Variants in DYNC1I1 observed in about 807,000 individuals in gnomAD.
DYNC1I1 encodes the protein cytoplasmic dynein 1 intermediate chain 1.
DYNC1I1 carries 43 observed loss-of-function variants against 86.6 expected under a neutral mutation model. The ratio of observed to expected loss-of-function variants is 0.50; its 90% confidence interval spans 0.39 to 0.64. DYNC1I1 has a LOEUF of 0.64. Among genes scored for constraint, DYNC1I1 ranks in the 30% least tolerant of loss-of-function variants. DYNC1I1 has a pLI of 0.00. For missense variants in DYNC1I1, 604 were observed against 788.8 expected (o/e 0.77, Z 2.81); for synonymous variants, 262 against 283.7 (o/e 0.92, Z 0.77).
intron 14 of DYNC1I1, among the ~76,000 whole-genome samples, chr7:96,062,293 G>T (rs1252904201): frequency 2.0e-5 from 3 of 152,186 alleles, no homozygotes; most frequent in African/African-American, 7.2e-5. Flanking sequence ...AAATGATGAA[G>T]GGAGCTGTAT....
At chr7:95,836,601 AC>A (rs200750266) in intron 5 of DYNC1I1, among the ~76,000 whole-genome samples, 10,168 of 152,166 alleles carry the variant, frequency 0.067, 448 homozygotes, top group Non-Finnish European at 0.096. Flanking sequence ...ACCTTCAGGT[AC>A]ACCAGTCAGA....
At chr7:95,866,624 T>G (rs1034225316) in intron 5 of DYNC1I1, among the ~76,000 whole-genome samples, 2 of 152,224 alleles carry the variant, frequency 1.3e-5, no homozygotes, top group African/African-American at 4.8e-5. Flanking sequence ...TGGCATATTG[T>G]AAGTCCCTGG....
At chr7:95,822,735 A>G (rs1284526853) in intron 4 of DYNC1I1, among the ~76,000 whole-genome samples, 4 of 152,236 alleles carry the variant, frequency 2.6e-5, no homozygotes, top group Admixed American at 2.6e-4. Flanking sequence ...ATTGAAACTA[A>G]TCAGAGCAGC....
At chr7:96,068,653 CTAA>C (rs1049746218) in intron 14 of DYNC1I1, among the ~76,000 whole-genome samples, 5 of 152,058 alleles carry the variant, frequency 3.3e-5, no homozygotes, top group African/African-American at 1.2e-4. Flanking sequence ...AGCGAGATCA[CTAA>C]TGTGAGATTA....
At chr7:95,802,245 T>C (rs1794595096) in intron 1 of DYNC1I1, among the ~76,000 whole-genome samples, 1 of 152,182 alleles carries the variant, frequency 6.6e-6, no homozygotes, top group South Asian at 2.1e-4. Context: ...TTCACTGCCA[T>C]CCCCTTTGCT....
chr7:95,917,925 G>C (rs1402726061), intron 6 of DYNC1I1, among the ~76,000 whole-genome samples: 2 of 152,228 alleles, frequency 1.3e-5, no homozygotes, highest in South Asian at 2.1e-4. Flanking sequence ...CTGCAGGAGA[G>C]CATCAATCAA....
chr7:95,821,812 A>G (rs565471120), intron 4 of DYNC1I1, among the ~76,000 whole-genome samples: 68 of 152,322 alleles, frequency 4.5e-4, no homozygotes, highest in Non-Finnish European at 5.0e-4. Flanking sequence ...TTACTTCCCA[A>G]AGAACTTTAC....
At chr7:95,823,146 G>C (rs1253436463) in intron 4 of DYNC1I1, among the ~76,000 whole-genome samples, 1 of 152,094 alleles carries the variant, frequency 6.6e-6, no homozygotes, top group East Asian at 1.9e-4. Context: ...AAATATAGCA[G>C]TCTTATAAGA....
chr7:95,833,785 G>A (rs570076135), intron 5 of DYNC1I1, among the ~76,000 whole-genome samples: 44,843 of 124,078 alleles, frequency 0.36, 8,215 homozygotes, highest in East Asian at 0.5. Flanking sequence ...TGTTGTTGGT[G>A]TATAAGAATG....
At chr7:95,814,102 TGTGA>T (rs1562904091) in intron 4 of DYNC1I1, among the ~76,000 whole-genome samples, 1 of 152,188 alleles carries the variant, frequency 6.6e-6, no homozygotes, top group Non-Finnish European at 1.5e-5. Flanking sequence ...CAGGAATTTA[TGTGA>T]GTATGGCAAC....
At position 95,784,673 on chromosome 7, in the gene DYNC1I1, T is replaced by C. The variant is rs563549501; in HGVS notation, c.-10+11900T>C. ...AAAAACAGAGTTAATATCCATGTAA[T>C]AGAGAACCTTTGATTGGTTCAAGCT... On this transcript the variant is annotated intron_variant, in intron 1 of 16. Transcript: ENST00000447467. Among the ~76,000 whole-genome samples the C allele has an allele frequency of 2.6e-5, 4 of 152,304 alleles. No homozygotes were observed. In the East Asian group the frequency reaches 7.7e-4, roughly 29 times the overall value.
intron 5 of DYNC1I1, among the ~76,000 whole-genome samples, chr7:95,849,431 A>C (rs1157170413): frequency 6.6e-6 from 1 of 152,136 alleles, no homozygotes; most frequent in Non-Finnish European, 1.5e-5. Flanking sequence ...ATTCTTCTGC[A>C]TGTGGATATC....
In DYNC1I1 at chr7:96,031,615, C is replaced by A. The variant is rs542504609; in HGVS notation, c.1117-1052C>A. Among the ~76,000 whole-genome samples the A allele has an allele frequency of 7.2e-5, 11 of 152,266 alleles. No homozygotes were observed. In the South Asian group the frequency reaches 2.1e-3, roughly 29 times the overall value. ...GATTATTACCACTCCTTCTGACCAGCAGTTTATATGATAATAATAGTTTGG... is the reference window on the plus strand; with the variant it reads ...GATTATTACCACTCCTTCTGACCAGAAGTTTATATGATAATAATAGTTTGG... On this transcript the variant is annotated intron_variant, in intron 11 of 16. Transcript: ENST00000447467.
intron 5 of DYNC1I1, among the ~76,000 whole-genome samples, chr7:95,864,825 C>G (rs1789976615): frequency 1.3e-5 from 2 of 151,996 alleles, no homozygotes; most frequent in Non-Finnish European, 2.9e-5. Context: ...ACTAAAGCCT[C>G]TAGAATAGCC....
intron 5 of DYNC1I1, among the ~76,000 whole-genome samples, chr7:95,833,514 T>C (rs1227607014): frequency 2.9e-5 from 4 of 136,906 alleles, no homozygotes; most frequent in African/African-American, 1.1e-4. Flanking sequence ...AAGAAAGTCA[T>C]TGGTAGCTTG....
chr7:95,799,293 C>T (rs1033231196), intron 1 of DYNC1I1, among the ~76,000 whole-genome samples: 1 of 152,078 alleles, frequency 6.6e-6, no homozygotes. Context: ...GCAGGAGAGT[C>T]GCTTGAACCC....
At chr7:95,783,329 C>T (rs1350173559) in intron 1 of DYNC1I1, among the ~76,000 whole-genome samples, 1 of 152,152 alleles carries the variant, frequency 6.6e-6, no homozygotes, top group African/African-American at 2.4e-5. Flanking sequence ...AATTAGCTTC[C>T]TTCCGTAGTT....
chr7:95,993,239 A>C (rs923023535), intron 9 of DYNC1I1, among the ~76,000 whole-genome samples: 1 of 152,198 alleles, frequency 6.6e-6, no homozygotes, highest in Non-Finnish European at 1.5e-5. Context: ...CAGTATCTTT[A>C]GGCCTTATGA....
intron 5 of DYNC1I1, 107 bp downstream of exon 5, chr7:95,828,223 C>G: frequency 7.9e-7 from 1 of 1,269,474 alleles, no homozygotes; most frequent in Non-Finnish European, 1.1e-6. Flanking sequence ...GTTGAACTTC[C>G]AGTTTGATAA....
Sources: gnomAD v4.1 joint callset for allele counts (sites outside exome capture counted in the v4.1 genomes callset) on GRCh38, gnomAD v4.1.1 for gene constraint, MANE v1.5 for transcripts, NCBI Gene and HGNC (gene_info 2026-07-23, HGNC 2026-07-21) for gene names.